ZNF282: variants seen among roughly 807,000 people sequenced by gnomAD.
ZNF282 encodes zinc finger protein 282.
ZNF282 carries 30 observed loss-of-function variants against 61.9 expected under a neutral mutation model. The observed-to-expected ratio is 0.48, with a 90% CI of 0.36 to 0.66. The LOEUF is 0.66. Ranked by LOEUF, ZNF282 falls within the 30% of genes least tolerant of loss-of-function variation. ZNF282 has a pLI of 0.00. For synonymous variants in ZNF282, 396 were observed against 405.0 expected (o/e 0.98, Z 0.27); for missense variants, 788 against 941.4 (o/e 0.84, Z 2.13).
chr7:149,213,030 C>T (rs1796110950), intron 6 of ZNF282, among the ~76,000 whole-genome samples: 1 of 152,152 alleles, frequency 6.6e-6, no homozygotes, highest in Non-Finnish European at 1.5e-5. Flanking sequence ...TAGGGAGGGT[C>T]TAGGCATTCA....
At chr7:149,218,767 C>T (rs1796195757) in intron 7 of ZNF282, among the ~76,000 whole-genome samples, 1 of 152,166 alleles carries the variant, frequency 6.6e-6, no homozygotes, top group African/African-American at 2.4e-5. Flanking sequence ...CTTCCCATCA[C>T]CCCGTCATAA....
chr7:149,223,670 C>A, intron 7 of ZNF282, 142 bp from the exon 8 acceptor site: 4 of 912,676 alleles, frequency 4.4e-6, no homozygotes, highest in Non-Finnish European at 5.9e-6. Flanking sequence ...CCACGTAGAT[C>A]GTGGCCCAGC....
chr7:149,216,125 G>A (rs903526893), intron 7 of ZNF282, among the ~76,000 whole-genome samples: 1 of 152,098 alleles, frequency 6.6e-6, no homozygotes. Flanking sequence ...TAAAGACAGG[G>A]TCTCACTCTG....
Position 149,198,258 on chromosome 7 carries a change from C to A in ZNF282, c.166-75C>A, listed in dbSNP as rs1795850143. The A allele has an allele frequency of 1.6e-5, 24 of 1,503,408 alleles. No individual in the cohort carries two copies. Among genetic ancestry groups the A allele is most frequent in the Admixed American group, 2.1e-5 (1 of 47,712 alleles). 93.1% of individuals were successfully genotyped at this position (1,503,408 alleles called of 1,614,324 possible). A position where few individuals can be genotyped will look rare whatever the true frequency, so the allele number is the denominator to read the frequency against. ...CGACATGTAGCATCTGATTAGTTGA[C>A]CCCTGTTCCCAGCTGACTTCCCCGG... On this transcript the variant is annotated intron_variant, in intron 1 of 7. Transcript: ENST00000610704. The surrounding 1 kb of genome is among the most constrained non-coding windows in gnomAD (Gnocchi z 4.3).
chr7:149,225,189 G>C lies in ZNF282; in HGVS notation c.*542G>C, dbSNP rs1264938329. ...CAGATAGGTGGGGTAGGATTTTCCTGGTGACCGAGTAAAGTGAGAGGCAGG... is the reference window on the plus strand; with the variant it reads ...CAGATAGGTGGGGTAGGATTTTCCTCGTGACCGAGTAAAGTGAGAGGCAGG... On this transcript the variant is annotated 3_prime_UTR_variant, in exon 8 of 8. Coordinates refer to ENST00000610704, the MANE Select transcript of ZNF282 (RefSeq NM_003575.4). 6.4e-6 allele frequency: 1 copy of C among 155,998 alleles called. No homozygotes were observed. The highest frequency in any genetic ancestry group is 1.4e-5 in the Non-Finnish European group (1 of 70,186). 9.7% of individuals were successfully genotyped at this position (155,998 alleles called of 1,614,324 possible).
rs1198208935 is a variant in ZNF282 at position 149,212,447 on chromosome 7, G to A, written c.1042G>A (p.Asp348Asn). 1 of 1,612,654 alleles carries A rather than the reference G, an allele frequency of 6.2e-7. No individual in the cohort carries two copies. The highest frequency in any genetic ancestry group is 8.5e-7 in the Non-Finnish European group (1 of 1,179,454). ...VWDQQDLADR[D>N]IPTDPNSESL... ...GGATCAGCAGGATTTGGCAGACAGA[G>A]ATATTCCCACGGATCCCAATTCAGG... The change falls in exon 6 of 8, where the codon GAT becomes AAT. Residue 348 changes from aspartate (D) to asparagine (N), a missense_variant. This residue lies in a region of ZNF282 where 559 missense variants were observed against 642.0 expected (regional missense o/e 0.87). Transcript: ENST00000610704.
At chr7:149,215,838 C>T (rs1427025225) in intron 7 of ZNF282, among the ~76,000 whole-genome samples, 2 of 152,162 alleles carry the variant, frequency 1.3e-5, no homozygotes, top group African/African-American at 2.4e-5. Flanking sequence ...AGCCCTGGCC[C>T]GAAGGCATAG....
chr7:149,211,510 A>G (rs1242534861), intron 5 of ZNF282, among the ~76,000 whole-genome samples: 1 of 152,138 alleles, frequency 6.6e-6, no homozygotes, highest in East Asian at 1.9e-4. Flanking sequence ...ACTCAAGTCT[A>G]CTGACTTACA....
In ZNF282 at chr7:149,198,813, T is replaced by G; in HGVS notation, c.585+61T>G. 1 of 1,524,922 alleles carries G rather than the reference T, an allele frequency of 6.6e-7. No individual in the cohort carries two copies. The highest frequency in any genetic ancestry group is 8.8e-7 in the Non-Finnish European group (1 of 1,140,416). The allele number at this position is 1,524,922 out of a possible 1,614,324, so 94.5% of individuals were successfully genotyped here. ...GGAACAGCACAGGTGCATAAAATTC[T>G]TGATTTCATTTTGTCAGCCCTTCTC... On this transcript the variant is annotated intron_variant, in intron 2 of 7. Transcript: ENST00000610704. This position sits in a 1 kb window ranked among gnomAD's most constrained non-coding sequence, Gnocchi z 4.3.
Position 149,198,306 on chromosome 7 carries a change from G to A in ZNF282, c.166-27G>A. ...CGGCTCACACAAGGTCTCATCCTGG[G>A]TTGTCGCTTTCTCCCTCTGCATACA... On this transcript the variant is annotated intron_variant, in intron 1 of 7. Transcript: ENST00000610704. The surrounding 1 kb of genome is among the most constrained non-coding windows in gnomAD (Gnocchi z 4.3). 1 of 1,573,898 alleles carries A rather than the reference G, an allele frequency of 6.4e-7. No homozygotes were observed. Among genetic ancestry groups the A allele is most frequent in the Non-Finnish European group, 8.6e-7 (1 of 1,157,554 alleles).
intron 7 of ZNF282, among the ~76,000 whole-genome samples, chr7:149,220,217 G>A: frequency 6.6e-6 from 1 of 152,100 alleles, no homozygotes; most frequent in East Asian, 1.9e-4. Flanking sequence ...GACCATCCTG[G>A]CTAACACGGT....
At chr7:149,201,508 T>C (rs142534686) in intron 2 of ZNF282, among the ~76,000 whole-genome samples, 293 of 152,296 alleles carry the variant, frequency 1.9e-3, no homozygotes, top group African/African-American at 6.6e-3. Flanking sequence ...ATCCCAGCAC[T>C]TTGGAAGGCC....
chr7:149,219,987 C>T (rs1241114200), intron 7 of ZNF282, among the ~76,000 whole-genome samples: 1 of 152,144 alleles, frequency 6.6e-6, no homozygotes, highest in Non-Finnish European at 1.5e-5. Context: ...ACAGAAATGA[C>T]ATGTGAGGAG....
chr7:149,199,655 C>T (rs544743925), intron 2 of ZNF282, among the ~76,000 whole-genome samples: 1 of 152,202 alleles, frequency 6.6e-6, no homozygotes, highest in South Asian at 2.1e-4. Flanking sequence ...TTCTCTCCTT[C>T]CCTCCCTTTT....
At chr7:149,204,137 C>A (rs1296927388) in intron 2 of ZNF282, among the ~76,000 whole-genome samples, 1 of 151,910 alleles carries the variant, frequency 6.6e-6, no homozygotes, top group Non-Finnish European at 1.5e-5. Flanking sequence ...GTGGGAGGCA[C>A]GTGGTCTTGG....
At chr7:149,207,006 C>G (rs915071993) in intron 3 of ZNF282, among the ~76,000 whole-genome samples, 184 bp downstream of exon 3, 2 of 152,238 alleles carry the variant, frequency 1.3e-5, no homozygotes, top group African/African-American at 2.4e-5. Context: ...AAATTTAAAA[C>G]CCAGTAACAG....
rs745613131 is a variant in ZNF282, at chr7:149,195,646, G to A, written c.57G>A (p.Gly19=). 4 of 1,606,370 alleles carry A rather than the reference G, an allele frequency of 2.5e-6. No individual in the cohort carries two copies. The highest frequency in any genetic ancestry group is 2.5e-6 in the Non-Finnish European group (3 of 1,177,176). ...AGCAGCTGGGCATCCAGGGCCTGGGGCTGGACAGCGGGAGCTGGAGCTGGG... is the reference window on the plus strand; with the variant it reads ...AGCAGCTGGGCATCCAGGGCCTGGGACTGGACAGCGGGAGCTGGAGCTGGG... The part of the protein sequence containing the change: ...QPQQLGIQGL[G]LDSGSWSWAQ... Residue 19 remains glycine (G), a synonymous_variant, in exon 1 of 8, where the codon GGG becomes GGA. Coordinates refer to ENST00000610704, the MANE Select transcript of ZNF282 (RefSeq NM_003575.4).
chr7:149,200,199 A>G (rs1250305193), intron 2 of ZNF282, among the ~76,000 whole-genome samples: 1 of 152,102 alleles, frequency 6.6e-6, no homozygotes, highest in Non-Finnish European at 1.5e-5. Flanking sequence ...CTGTGGTCTC[A>G]TTTAACATGT....
At chr7:149,202,394 C>T (rs932549200) in intron 2 of ZNF282, among the ~76,000 whole-genome samples, 4 of 151,626 alleles carry the variant, frequency 2.6e-5, no homozygotes, top group South Asian at 4.1e-4. Flanking sequence ...TCACTGTAAG[C>T]TCTGCCTCCC....
Sources: gnomAD v4.1 joint callset for allele counts (sites outside exome capture counted in the v4.1 genomes callset) on GRCh38, gnomAD v4.1.1 for gene constraint, gnomAD v4.1.1 regional missense constraint, Gnocchi (gnomAD v3.1) non-coding constraint, MANE v1.5 for transcripts, NCBI Gene and HGNC (gene_info 2026-07-23, HGNC 2026-07-21) for gene names.